Variants in TBCK observed in about 807,000 individuals in gnomAD.
The protein encoded by TBCK is TBC domain-containing protein kinase-like protein.
In TBCK, 99 loss-of-function variants were observed where a neutral mutation model predicts 113.4. The observed-to-expected ratio is 0.87, with a 90% CI of 0.74 to 1.03. The LOEUF is 1.03. Among genes scored for constraint, TBCK ranks in the 50% least tolerant of loss-of-function variants. TBCK has a pLI of 0.00. For synonymous variants in TBCK, 369 were observed against 370.8 expected, an observed-to-expected ratio of 1.00 and a Z score of 0.05; for missense variants, 1,045 against 1,061.3, an observed-to-expected ratio of 0.98 and a Z score of 0.21.
At chr4:106,087,163 T>C (rs566195032) in intron 25 of TBCK, among the ~76,000 whole-genome samples, 2 of 152,246 alleles carry the variant, frequency 1.3e-5, no homozygotes, top group Admixed American at 1.3e-4. Context: ...GCAGATAACA[T>C]GATTTTATAT....
At chr4:106,289,120 C>A (rs1005125320) in intron 3 of TBCK, among the ~76,000 whole-genome samples, 1 of 152,184 alleles carries the variant, frequency 6.6e-6, no homozygotes, top group Non-Finnish European at 1.5e-5. Context: ...CATTTGAGTT[C>A]TACCCAGTTT....
At position 106,276,400 on chromosome 4, in the gene TBCK, A is replaced by G. The variant is rs946252378; in HGVS notation, c.267-14188T>C. Among the ~76,000 whole-genome samples, 7 of 152,214 alleles carry G rather than the reference A, an allele frequency of 4.6e-5. No homozygotes were observed. In the South Asian group the frequency reaches 8.3e-4, roughly 18 times the overall value. On this transcript the variant is annotated intron_variant, in intron 3 of 25. Coordinates refer to ENST00000394708, the MANE Select transcript of TBCK (RefSeq NM_001163435.3). ...TAACCACAGAAGAAAAATTTGACAC[A>G]TTAGACTTGATCACAAACTGTAACT... is the stretch of plus-strand genomic sequence containing the variant.
At chr4:106,254,312 C>T (rs1286987448) in intron 5 of TBCK, among the ~76,000 whole-genome samples, 1 of 152,212 alleles carries the variant, frequency 6.6e-6, no homozygotes, top group Non-Finnish European at 1.5e-5. Context: ...GACATTTCTG[C>T]AACCCAAGTT....
intron 23 of TBCK, among the ~76,000 whole-genome samples, chr4:106,137,894 T>C (rs565395699): frequency 7.1e-6 from 1 of 141,242 alleles, no homozygotes; most frequent in African/African-American, 2.5e-5. Flanking sequence ...TTTTCTTTGC[T>C]ATACGGTATC....
In TBCK at chr4:106,086,997, G is replaced by C. The variant is rs533689547; in HGVS notation, c.2571+8485C>G. On this transcript the variant is annotated intron_variant, in intron 25 of 25. Transcript: ENST00000394708. ...TTTCATATTGAATGGGCAAAAGCTG[G>C]AAGCATTCCCTTTAAAAACTGGTAC... Among the ~76,000 whole-genome samples, 12 of 152,272 alleles carry C rather than the reference G, an allele frequency of 7.9e-5. 1 individual carries two copies. Among genetic ancestry groups the C allele is most frequent in the African/African-American group, 2.9e-4 (12 of 41,552 alleles).
intron 25 of TBCK, among the ~76,000 whole-genome samples, chr4:106,082,136 T>G (rs1196664788): frequency 6.6e-6 from 1 of 152,198 alleles, no homozygotes; most frequent in Non-Finnish European, 1.5e-5. Context: ...CTGCCAAAAA[T>G]ACATATGCAT....
intron 23 of TBCK, among the ~76,000 whole-genome samples, chr4:106,121,088 T>C (rs1368091614): frequency 1.3e-5 from 2 of 152,086 alleles, no homozygotes; most frequent in Non-Finnish European, 2.9e-5. Flanking sequence ...GAAGAATGTA[T>C]AACTAGAATA....
At chr4:106,289,858 T>C (rs1765505335) in intron 3 of TBCK, among the ~76,000 whole-genome samples, 2 of 152,212 alleles carry the variant, frequency 1.3e-5, no homozygotes, top group Admixed American at 6.5e-5. Flanking sequence ...TAACTTGTGC[T>C]ACAATGATCT....
At chr4:106,142,493 T>C (rs1747249575) in intron 23 of TBCK, among the ~76,000 whole-genome samples, 1 of 152,230 alleles carries the variant, frequency 6.6e-6, no homozygotes. Context: ...CTATTTATTT[T>C]GCACATTTTA....
At chr4:106,244,507 A>G in intron 11 of TBCK, 119 bp downstream of exon 11, 2 of 956,258 alleles carry the variant, frequency 2.1e-6, no homozygotes, top group East Asian at 6.4e-5. Context: ...CCTACCAAAA[A>G]AATTTTAAAA....
intron 3 of TBCK, among the ~76,000 whole-genome samples, chr4:106,276,582 A>G (rs1181978861): frequency 6.6e-6 from 1 of 152,132 alleles, no homozygotes; most frequent in African/African-American, 2.4e-5. Flanking sequence ...GCTCATCAAA[A>G]TATATCTTTA....
chr4:106,215,937 C>G (rs1259689991), intron 19 of TBCK, among the ~76,000 whole-genome samples: 1 of 149,520 alleles, frequency 6.7e-6, no homozygotes, highest in Non-Finnish European at 1.5e-5. Flanking sequence ...CACACCACAC[C>G]TATTCCAAAA....
intron 5 of TBCK, among the ~76,000 whole-genome samples, chr4:106,256,669 G>A (rs563717324): frequency 1.3e-5 from 2 of 152,082 alleles, no homozygotes; most frequent in Non-Finnish European, 2.9e-5. Flanking sequence ...AACTGTGCCC[G>A]GGAACGTGGG....
At position 106,070,316 on chromosome 4, in the gene TBCK, T is replaced by C. The variant is rs201215637; in HGVS notation, c.2572-23636A>G. Among the ~76,000 whole-genome samples the C allele has an allele frequency of 9.8e-5, 15 of 152,350 alleles. No individual in the cohort carries two copies. The East Asian group carries it at 2.9e-3, about 29-fold the overall frequency. On this transcript the variant is annotated intron_variant, in intron 25 of 25. Transcript: ENST00000394708. ...TCTTATTATTTTGAGATACGTTCCA[T>C]CAATACCTAGTTTACTGAGAGCTTT...
At chr4:106,283,490 T>C (rs957737290) in intron 3 of TBCK, among the ~76,000 whole-genome samples, 2 of 152,112 alleles carry the variant, frequency 1.3e-5, no homozygotes, top group African/African-American at 4.8e-5. Context: ...CTTGAAGAAG[T>C]GCTGTACATT....
At chr4:106,305,353 C>T (rs778649603) in intron 2 of TBCK, among the ~76,000 whole-genome samples, 2 of 151,842 alleles carry the variant, frequency 1.3e-5, no homozygotes, top group Non-Finnish European at 2.9e-5. Context: ...CAATAAAAGG[C>T]CAACATCTTT....
At chr4:106,251,025 C>T (rs12641015) in intron 6 of TBCK, 32,206 of 174,144 alleles carry the variant, frequency 0.18, 3,057 homozygotes, top group South Asian at 0.25. Flanking sequence ...TATTTCCTTA[C>T]TAGTCTGCCT....
At chr4:106,113,094 C>CACCCGATATGTCATTA (rs1560662738) in intron 24 of TBCK, among the ~76,000 whole-genome samples, 1 of 152,158 alleles carries the variant, frequency 6.6e-6, no homozygotes, top group Non-Finnish European at 1.5e-5. Flanking sequence ...CTGGAGAGTC[C>CACCCGATATGTCATTA]ACCCGATATG....
At chr4:106,215,855 A>T (rs1445687517) in intron 19 of TBCK, among the ~76,000 whole-genome samples, 1 of 151,872 alleles carries the variant, frequency 6.6e-6, no homozygotes, top group East Asian at 1.9e-4. Context: ...TCAGCTCTGC[A>T]CCAAGCGGAC....
Sources: gnomAD v4.1 joint callset for allele counts (sites outside exome capture counted in the v4.1 genomes callset) on GRCh38, gnomAD v4.1.1 for gene constraint, MANE v1.5 for transcripts, NCBI Gene and HGNC (gene_info 2026-07-23, HGNC 2026-07-21) for gene names.